The following NTAQ1 variants were observed in gnomAD, a reference collection of about 807,000 sequenced individuals.
NTAQ1 encodes the protein N-terminal glutamine amidase 1, also known as protein N-terminal glutamine amidohydrolase.
In NTAQ1, 21 loss-of-function variants were observed where a neutral mutation model predicts 28.2. The observed-to-expected ratio is 0.74, with a 90% CI of 0.53 to 1.07. The LOEUF (loss-of-function observed/expected upper bound fraction) is 1.07, where lower values mean the gene tolerates loss of function less well. NTAQ1 is among the 50% of genes least tolerant of loss of function. The pLI, the probability that NTAQ1 is intolerant of heterozygous loss-of-function variation, is 0.00. For missense variants in NTAQ1, 264 were observed against 256.6 expected (o/e 1.03, Z -0.20); for synonymous variants, 105 against 90.0 (o/e 1.17, Z -0.94).
At chr8:123,421,781 T>C (rs1813710294) in intron 1 of NTAQ1, among the ~76,000 whole-genome samples, 1 of 151,798 alleles carries the variant, frequency 6.6e-6, no homozygotes, top group South Asian at 2.1e-4. Context: ...CTCCGTCTCC[T>C]GGGTTCACAC....
chr8:123,459,122 G>A (rs1563906297), intron 6 of NTAQ1, among the ~76,000 whole-genome samples: 1 of 151,856 alleles, frequency 6.6e-6, no homozygotes. Context: ...GTGGTGGTGT[G>A]TGCCTGTAGT....
chr8:123,430,600 A>G (rs1306631079), intron 3 of NTAQ1, among the ~76,000 whole-genome samples: 1 of 152,196 alleles, frequency 6.6e-6, no homozygotes, highest in African/African-American at 2.4e-5. Flanking sequence ...CAACATGGCA[A>G]AACTCCGTCT....
At chr8:123,453,174 C>A (rs558684492) in intron 6 of NTAQ1, among the ~76,000 whole-genome samples, 4 of 152,162 alleles carry the variant, frequency 2.6e-5, no homozygotes, top group African/African-American at 9.7e-5. Flanking sequence ...CTATGTTTGA[C>A]CTCCTTGGGG....
downstream of NTAQ1, among the ~76,000 whole-genome samples, chr8:123,444,711 G>C (rs777390855): frequency 6.6e-6 from 1 of 152,134 alleles, no homozygotes; most frequent in Non-Finnish European, 1.5e-5. Flanking sequence ...GGGTTTCACC[G>C]TGTTAGCCAG....
chr8:123,435,617 A>G, intron 3 of NTAQ1: 2 of 836,934 alleles, frequency 2.4e-6, no homozygotes, highest in Non-Finnish European at 2.9e-6. Context: ...CTGTAATTCC[A>G]GGACTTTGGG....
chr8:123,438,290 G>A, intron 5 of NTAQ1: 4 of 665,042 alleles, frequency 6.0e-6, no homozygotes, highest in Non-Finnish European at 1.1e-5. Flanking sequence ...CCAACACCTG[G>A]ATAATACAGT....
At chr8:123,421,137 G>A (rs1813661895) in intron 1 of NTAQ1, among the ~76,000 whole-genome samples, 1 of 151,954 alleles carries the variant, frequency 6.6e-6, no homozygotes, top group African/African-American at 2.4e-5. Context: ...AGGCTGGAGT[G>A]CAGTGGTGCA....
At chr8:123,443,041 A>G (rs1815138707), downstream of NTAQ1, among the ~76,000 whole-genome samples, 1 of 149,494 alleles carries the variant, frequency 6.7e-6, no homozygotes, top group Admixed American at 6.7e-5. Context: ...TTATTTTGAG[A>G]CAAAGTCTCA....
chr8:123,442,855 A>G (rs1197004492), downstream of NTAQ1, among the ~76,000 whole-genome samples: 1 of 145,888 alleles, frequency 6.9e-6, no homozygotes, highest in Non-Finnish European at 1.5e-5. Flanking sequence ...TTTAGTAGAG[A>G]CGTGGTTTCA....
chr8:123,458,096 ACT>A (rs551136894), intron 6 of NTAQ1, among the ~76,000 whole-genome samples: 37,418 of 110,792 alleles, frequency 0.34, 4,939 homozygotes, highest in East Asian at 0.55. Context: ...ACTTCCCCTC[ACT>A]GTTTTTTTTT....
exon 7 of NTAQ1, among the ~76,000 whole-genome samples, chr8:123,468,136 G>T (rs1816001436): frequency 6.6e-6 from 1 of 152,216 alleles, no homozygotes; most frequent in South Asian, 2.1e-4. Flanking sequence ...AGGGATTCTT[G>T]CGTGGCCCCC....
intron 6 of NTAQ1, among the ~76,000 whole-genome samples, chr8:123,466,247 G>A (rs1051563469): frequency 3.9e-5 from 6 of 152,320 alleles, no homozygotes; most frequent in Non-Finnish European, 7.3e-5. Flanking sequence ...CCAGTGAGCA[G>A]GAAGTCAGCT....
chr8:123,465,876 C>A (rs545428088), intron 6 of NTAQ1, among the ~76,000 whole-genome samples: 217 of 152,300 alleles, frequency 1.4e-3, no homozygotes, highest in Non-Finnish European at 2.7e-3. Context: ...AGCCACTGCA[C>A]CCAGCCAGCA....
Position 123,437,236 on chromosome 8 carries a change from C to G in NTAQ1, c.410C>G (p.Ser137Ter), listed in dbSNP as rs962782413. ...AAATTTAGAGTGATCCGTGCAGATTCATATTTGAAGAACTTTGCTTCTGAC... is the reference window on the plus strand; with the variant it reads ...AAATTTAGAGTGATCCGTGCAGATTGATATTTGAAGAACTTTGCTTCTGAC... The part of the protein sequence containing the change: ...RRKFRVIRAD[S>*]YLKNFASDRS... Residue 137 changes from serine (S) to a stop codon, truncating the protein, a stop_gained, in exon 5 of 6, where the codon TCA becomes TGA. Transcript: ENST00000287387. LOFTEE classifies it high-confidence loss of function. The G allele has an allele frequency of 6.2e-7, 1 of 1,613,964 alleles. No homozygotes were observed. Among genetic ancestry groups the G allele is most frequent in the African/African-American group, 1.3e-5 (1 of 74,910 alleles).
intron 6 of NTAQ1, chr8:123,455,130 T>C (rs1198123493): frequency 6.6e-6 from 1 of 152,236 alleles, no homozygotes; most frequent in Middle Eastern, 3.2e-3. Flanking sequence ...TTGGAAGGGA[T>C]GCCTCATAAT....
chr8:123,423,501 C>G (rs1170364159), intron 1 of NTAQ1, among the ~76,000 whole-genome samples: 1 of 150,058 alleles, frequency 6.7e-6, no homozygotes, highest in East Asian at 1.9e-4. Flanking sequence ...GTTTCAAACT[C>G]CTGAGCTCAA....
Position 123,429,988 on chromosome 8 carries a change from T to C in NTAQ1, c.189T>C (p.Pro63=). The change falls in exon 3 of 6, where the codon CCT becomes CCC. Residue 63 remains proline, a synonymous_variant. Transcript: ENST00000287387. ...AAATGTATTGTATTTTGTAGATACC[T>C]ATCTGGAAACAACAGGCGAGACCTG... ...VFISNERKMI[P]IWKQQARPGD... is the part of the protein sequence containing the mutation. 6.2e-7 allele frequency: 1 copy of C among 1,611,718 alleles called. No homozygotes were observed. The highest frequency in any genetic ancestry group is 8.5e-7 in the Non-Finnish European group (1 of 1,178,586).
chr8:123,419,270 C>T (rs1296439987), intron 1 of NTAQ1, among the ~76,000 whole-genome samples: 1 of 151,798 alleles, frequency 6.6e-6, no homozygotes, highest in Non-Finnish European at 1.5e-5. Flanking sequence ...AGCTAATTTT[C>T]GTATTTTTAG....
At chr8:123,437,185 T>C in intron 4 of NTAQ1, 25 bp from the exon 5 acceptor site, 1 of 1,612,598 alleles carries the variant, frequency 6.2e-7, no homozygotes, top group Non-Finnish European at 8.5e-7. Flanking sequence ...CTCCCTAATG[T>C]GAGTGTATAT....
Sources: allele counts gnomAD v4.1 joint callset (sites outside exome capture counted in the v4.1 genomes callset), GRCh38; gene constraint gnomAD v4.1.1; transcripts MANE v1.5; gene names NCBI Gene and HGNC (gene_info 2026-07-23, HGNC 2026-07-21).